PIAS1: variants seen among roughly 807,000 people sequenced by gnomAD.
PIAS1 encodes the protein protein inhibitor of activated STAT 1.
A neutral mutation model predicts 71.3 loss-of-function variants in PIAS1; 6 were observed. The observed-to-expected ratio is 0.08, with a 90% CI of 0.05 to 0.17. The LOEUF is 0.17. Among genes scored for constraint, PIAS1 ranks in the 10% least tolerant of loss-of-function variants. PIAS1 has a pLI of 1.00. For missense variants in PIAS1, 555 were observed against 793.6 expected (o/e 0.70, Z 3.61); for synonymous variants, 303 against 292.9 (o/e 1.03, Z -0.35).
chr15:68,090,929 T>G (rs74020022), intron 2 of PIAS1, among the ~76,000 whole-genome samples: 13 of 137,782 alleles, frequency 9.4e-5, no homozygotes, highest in Middle Eastern at 3.7e-3. Context: ...CATTTACGGG[T>G]GTGTGTGTGT....
Position 68,128,228 on chromosome 15 carries a change from C to T in PIAS1, c.470-13718C>T, listed in dbSNP as rs376149790. On this transcript the variant is annotated intron_variant, in intron 2 of 13. Transcript: ENST00000249636. ...CCGCCCATACTAGAGTGCAGTGGCC[C>T]AATCACAGCTCATTGCAGTCTCAAC... Among the ~76,000 whole-genome samples the T allele has an allele frequency of 2.6e-4, 40 of 152,292 alleles. No individual in the cohort carries two copies. In the South Asian group the frequency reaches 7.5e-3, roughly 28 times the overall value.
rs755665787 is a variant in PIAS1, at chr15:68,072,124, C to T, written c.25-14182C>T. 1.9e-4 allele frequency among the ~76,000 whole-genome samples: 29 copies of T among 150,718 alleles called. 1 individual carries two copies. The highest frequency in any genetic ancestry group is 1.3e-3 in the Admixed American group (20 of 15,094). ...AAGAGTTAATGGGAAGTTGGCCGGG[C>T]GCAGTGGTTCATGCCTGTAATCCCA... On this transcript the variant is annotated intron_variant, in intron 1 of 13. Coordinates refer to ENST00000249636, the MANE Select transcript of PIAS1 (RefSeq NM_016166.3).
At position 68,174,363 on chromosome 15, in the gene PIAS1, C is replaced by G. The variant is rs1335895122; in HGVS notation, c.1169+471C>G. 1.3e-5 allele frequency among the ~76,000 whole-genome samples: 2 copies of G among 152,186 alleles called. No individual in the cohort carries two copies. Among genetic ancestry groups the G allele is most frequent in the African/African-American group, 4.8e-5 (2 of 41,434 alleles). ...TCTTTTTCTTTTTTGTCTTGCCCACCTATAGCATCACAAAACCAATTATTG... is the reference window on the plus strand; with the variant it reads ...TCTTTTTCTTTTTTGTCTTGCCCACGTATAGCATCACAAAACCAATTATTG... On this transcript the variant is annotated intron_variant, in intron 9 of 13. Transcript: ENST00000249636. The surrounding 1 kb of genome is among the most constrained non-coding windows in gnomAD (Gnocchi z 4.0).
chr15:68,088,198 A>ATATATATATATATATATATATATATATC (rs1567035777), intron 2 of PIAS1, among the ~76,000 whole-genome samples: 1 of 143,420 alleles, frequency 7.0e-6, no homozygotes, highest in African/African-American at 2.6e-5. Context: ...ATATATATAT[A>ATATATATATATATATATATATATATATC]TATCCCATTT....
chr15:68,154,421 C>T (rs2092873101), intron 7 of PIAS1, among the ~76,000 whole-genome samples: 1 of 152,062 alleles, frequency 6.6e-6, no homozygotes, highest in East Asian at 1.9e-4. Flanking sequence ...GGAGTGAGGG[C>T]TGGGGACTTA....
At chr15:68,152,171 G>C (rs187362184) in intron 6 of PIAS1, among the ~76,000 whole-genome samples, 3 of 151,640 alleles carry the variant, frequency 2.0e-5, no homozygotes, top group Admixed American at 2.0e-4. Flanking sequence ...GGATGGTCCC[G>C]ATCTCCTGAC....
intron 2 of PIAS1, among the ~76,000 whole-genome samples, chr15:68,124,234 C>G (rs1255947269): frequency 6.6e-6 from 1 of 152,128 alleles, no homozygotes; most frequent in African/African-American, 2.4e-5. Flanking sequence ...TCTTCAACTA[C>G]TGATGGCTAT....
chr15:68,105,774 C>G (rs2092463179), intron 2 of PIAS1, among the ~76,000 whole-genome samples: 1 of 152,086 alleles, frequency 6.6e-6, no homozygotes, highest in South Asian at 2.1e-4. Context: ...AGTTCCAAAC[C>G]AGCCTGGGCA....
At chr15:68,153,547 T>C (rs762718276) in intron 6 of PIAS1, 43 bp from the exon 7 acceptor site, 2 of 863,356 alleles carry the variant, frequency 2.3e-6, no homozygotes, top group Non-Finnish European at 3.8e-6. Flanking sequence ...ATGTACTATT[T>C]ACTTACATAT....
intron 2 of PIAS1, chr15:68,088,028 C>T (rs2092298443): frequency 1.7e-5 from 4 of 233,926 alleles, no homozygotes; most frequent in South Asian, 9.8e-5. Flanking sequence ...TCCTTGTTAG[C>T]TGTTTAGTGT....
intron 7 of PIAS1, among the ~76,000 whole-genome samples, chr15:68,157,222 A>G (rs1466516512): frequency 2.6e-5 from 4 of 152,142 alleles, no homozygotes; most frequent in Non-Finnish European, 2.9e-5. Context: ...ATCCAGGTAG[A>G]GATGCTTGGT....
At chr15:68,101,398 G>C (rs1273567790) in intron 2 of PIAS1, among the ~76,000 whole-genome samples, 1 of 144,100 alleles carries the variant, frequency 6.9e-6, no homozygotes, top group African/African-American at 2.6e-5. Context: ...CTAGTCCTTC[G>C]TTGGGTTTGT....
intron 11 of PIAS1, 98 bp from the exon 12 acceptor site, chr15:68,181,114 C>G (rs1297052892): frequency 2.0e-6 from 2 of 977,244 alleles, no homozygotes; most frequent in African/African-American, 1.6e-5. Flanking sequence ...ATTTCCAGCA[C>G]TAAACCGAGG....
chr15:68,129,832 C>CAT (rs1421774209), intron 2 of PIAS1, among the ~76,000 whole-genome samples: 6 of 149,586 alleles, frequency 4.0e-5, no homozygotes, highest in Non-Finnish European at 8.9e-5. Flanking sequence ...CACACACACA[C>CAT]ACACTCTTAC....
intron 1 of PIAS1, among the ~76,000 whole-genome samples, chr15:68,072,447 G>T (rs993305547): frequency 6.7e-6 from 1 of 149,712 alleles, no homozygotes; most frequent in African/African-American, 2.5e-5. Context: ...GGAAGTTGGG[G>T]CCAGATTGTT....
chr15:68,096,902 A>ATT (rs2092380681), intron 2 of PIAS1, among the ~76,000 whole-genome samples: 1 of 151,936 alleles, frequency 6.6e-6, no homozygotes, highest in African/African-American at 2.4e-5. Context: ...AATGCCTTTC[A>ATT]TTTTTTTGTG....
At chr15:68,055,383 A>G (rs2091884602) in intron 1 of PIAS1, 1 of 176,986 alleles carries the variant, frequency 5.7e-6, no homozygotes, top group Non-Finnish European at 1.1e-5. Flanking sequence ...CTCACGCCTC[A>G]CGAAATTAGA....
At position 68,153,493 on chromosome 15, in the gene PIAS1, A is replaced by C; in HGVS notation, c.829-97A>C. ...TGCTTGACACACAGTAGGTGTTTTAAGAAGTGTTAGTTTTCTTTCCCTATC... is the reference window on the plus strand; with the variant it reads ...TGCTTGACACACAGTAGGTGTTTTACGAAGTGTTAGTTTTCTTTCCCTATC... On this transcript the variant is annotated intron_variant, in intron 6 of 13. Transcript: ENST00000249636. 4 of 620,510 alleles carry C rather than the reference A, an allele frequency of 6.4e-6. No individual in the cohort carries two copies. The East Asian group carries it at 1.1e-4, about 17-fold the overall frequency. 38.4% of individuals were successfully genotyped at this position (620,510 alleles called of 1,614,324 possible).
chr15:68,187,463 G>T lies in PIAS1; in HGVS notation c.1663-79G>T. ...ATACTCAGGCTATCTTAAATTTAGG[G>T]CTGTGTCCCGCTGAGGAGAAAATAT... is the stretch of plus-strand genomic sequence containing the variant. On this transcript the variant is annotated intron_variant, in intron 13 of 13. Transcript: ENST00000249636. The surrounding 1 kb of genome is among the most constrained non-coding windows in gnomAD (Gnocchi z 5.3). The T allele has an allele frequency of 7.6e-7, 1 of 1,311,666 alleles. No homozygotes were observed. The highest frequency in any genetic ancestry group is 1.1e-6 in the Non-Finnish European group (1 of 930,146). The allele number at this position is 1,311,666 out of a possible 1,614,324, so 81.3% of individuals were successfully genotyped here. A position where few individuals can be genotyped will look rare whatever the true frequency, so the allele number is the denominator to read the frequency against.
Sources: gnomAD v4.1 joint callset for allele counts (sites outside exome capture counted in the v4.1 genomes callset) on GRCh38, gnomAD v4.1.1 for gene constraint, Gnocchi (gnomAD v3.1) non-coding constraint, MANE v1.5 for transcripts, NCBI Gene and HGNC (gene_info 2026-07-23, HGNC 2026-07-21) for gene names.